Variants in CDH26 observed in about 807,000 individuals in gnomAD.
CDH26 encodes cadherin-like protein 26.
CDH26 carries 83 observed loss-of-function variants against 90.3 expected under a neutral mutation model. The ratio of observed to expected loss-of-function variants is 0.92; its 90% CI spans 0.77 to 1.10. The LOEUF (loss-of-function observed/expected upper bound fraction) is 1.10, where lower values mean the gene tolerates loss of function less well. Among genes scored for constraint, CDH26 ranks in the 50% least tolerant of loss-of-function variants. The pLI, the probability that CDH26 is intolerant of heterozygous loss-of-function variation, is 0.00. For synonymous variants in CDH26, 397 were observed against 396.3 expected (o/e 1.00, Z -0.02); for missense variants, 1,013 against 1,037.6 (o/e 0.98, Z 0.33).
chr20:59,995,682 T>A (rs537924059), intron 11 of CDH26, 151 bp from the exon 12 acceptor site: 1 of 645,336 alleles, frequency 1.5e-6, no homozygotes, highest in East Asian at 2.7e-5. Flanking sequence ...ATGTCAGAAG[T>A]GAGGGTACCC....
In CDH26 at chr20:60,002,886, T is replaced by A. The variant is rs1313038877; in HGVS notation, c.2220+20T>A. On this transcript the variant is annotated intron_variant, in intron 16 of 17. Transcript: ENST00000348616. ...ACTCCTGTAAGTATAGATGTAGGTG[T>A]TACCGTGAACAAATTTACCTTATTG... The A allele has an allele frequency of 6.6e-7, 1 of 1,513,930 alleles. No individual in the cohort carries two copies. The highest frequency in any genetic ancestry group is 1.8e-4 in the Middle Eastern group (1 of 5,714). 93.8% of individuals were successfully genotyped at this position (1,513,930 alleles called of 1,614,324 possible).
At position 60,032,880 on chromosome 20, in the gene CDH26, G is replaced by A. The variant is rs575145555; in HGVS notation, c.1144-606G>A. Among the ~76,000 whole-genome samples, 138 of 150,356 alleles carry A rather than the reference G, an allele frequency of 9.2e-4. 1 individual carries two copies. The highest frequency in any genetic ancestry group is 3.1e-3 in the African/African-American group (127 of 40,948). On this transcript the variant is annotated intron_variant, in intron 8 of 8. Transcript: ENST00000370991. ...GGGGGAGGGGGGAGGGATAGCATTG[G>A]GAGATGTACCTAATGCTAGATGACG...
At chr20:60,033,694 G>C in exon 9 of CDH26, 3 of 1,298,692 alleles carry the variant, frequency 2.3e-6, no homozygotes, top group Non-Finnish European at 3.0e-6. Flanking sequence ...GTACGGTGGA[G>C]GGGCATGGGC....
rs1424953275 is a variant in CDH26 at position 60,013,927 on chromosome 20, G to A, written c.*1197G>A. 3.9e-5 allele frequency: 6 copies of A among 152,078 alleles called. No homozygotes were observed. In the East Asian group the frequency reaches 5.8e-4, roughly 15 times the overall value. 9.4% of individuals were successfully genotyped at this position (152,078 alleles called of 1,614,324 possible). ...AAGCACTGGAATGTCTGAATGGGAC[G>A]CTTGAATGTGTAGAACAGCTGTACT... On this transcript the variant is annotated 3_prime_UTR_variant, in exon 18 of 18. Transcript: ENST00000348616.
At chr20:59,963,525 A>T (rs2061105101) in intron 1 of CDH26, among the ~76,000 whole-genome samples, 1 of 152,164 alleles carries the variant, frequency 6.6e-6, no homozygotes, top group African/African-American at 2.4e-5. Flanking sequence ...AATACTTTAT[A>T]CTATCTGCAT....
rs113967963 is a variant in CDH26, at chr20:60,031,498, T to C, written c.1143+72T>C. The C allele has an allele frequency of 6.7e-6, 7 of 1,043,150 alleles. No homozygotes were observed. In the African/African-American group the frequency reaches 1.0e-4, roughly 15 times the overall value. 64.6% of individuals were successfully genotyped at this position (1,043,150 alleles called of 1,614,324 possible). On this transcript the variant is annotated intron_variant, in intron 8 of 8. Transcript: ENST00000370991. Reference sequence around the variant, plus strand: ...AAAGATTCAGTTATGAATTCAGGCGTTCAAGTTAATCCTTGAGAATTAAAT... The same window carrying C: ...AAAGATTCAGTTATGAATTCAGGCGCTCAAGTTAATCCTTGAGAATTAAAT...
rs370113422 is a variant in CDH26 at position 59,987,507 on chromosome 20, G to C, written c.892G>C (p.Val298Leu). ...CAGCCAGGGCGTGTTGCGTCTCCTGGTTCAAGATCGAGATTCTCCATTTAC... is the reference window on the plus strand; with the variant it reads ...CAGCCAGGGCGTGTTGCGTCTCCTGCTTCAAGATCGAGATTCTCCATTTAC... The part of the protein sequence containing the change: ...RASQGVLRLL[V>L]QDRDSPFTSA... The change falls in exon 8 of 18, where the codon GTT becomes CTT. Residue 298 changes from valine (V) to leucine (L), a missense_variant. Val to Leu is a conservative substitution (Grantham distance 32). Coordinates refer to ENST00000348616, the MANE Select transcript of CDH26 (RefSeq NM_177980.4). 33 of 1,613,808 alleles carry C rather than the reference G, an allele frequency of 2.0e-5. No individual in the cohort carries two copies. In the African/African-American group the frequency reaches 3.5e-4, roughly 17 times the overall value.
intron 9 of CDH26, among the ~76,000 whole-genome samples, chr20:59,991,412 T>G (rs548357163): frequency 2.0e-5 from 3 of 152,200 alleles, no homozygotes; most frequent in Admixed American, 6.5e-5. Context: ...AGCTTTGGTT[T>G]CCTCTAGTTC....
rs1569045674 is a variant in CDH26 at position 59,994,321 on chromosome 20, C to T, written c.1498C>T (p.Leu500Phe). ...LSDINDNVPT[L>F]RPRSRYMEVC... ...TGACATCAATGACAACGTCCCGACTCTCCGGCCACGTTCCCGCTACATGGA... is the reference window on the plus strand; with the variant it reads ...TGACATCAATGACAACGTCCCGACTTTCCGGCCACGTTCCCGCTACATGGA... Residue 500 changes from leucine to phenylalanine, a missense_variant, in exon 11 of 18, where the codon CTC (leucine) becomes TTC (phenylalanine). Leu to Phe is a conservative substitution (Grantham distance 22). Transcript: ENST00000348616. 1.2e-6 allele frequency: 2 copies of T among 1,614,038 alleles called. No homozygotes were observed. The highest frequency in any genetic ancestry group is 1.1e-5 in the South Asian group (1 of 91,066).
At chr20:60,015,664 A>G (rs567397379), downstream of CDH26, among the ~76,000 whole-genome samples, 31 of 152,174 alleles carry the variant, frequency 2.0e-4, no homozygotes, top group African/African-American at 7.5e-4. Flanking sequence ...TTTGTTGTCT[A>G]TGCTTTCGAG....
chr20:60,018,021 C>A (rs1117911), downstream of CDH26, among the ~76,000 whole-genome samples: 1 of 151,868 alleles, frequency 6.6e-6, no homozygotes, highest in South Asian at 2.1e-4. Context: ...GTTTTGTATC[C>A]TAACATATGG....
At position 60,012,561 on chromosome 20, in the gene CDH26, C is replaced by T. The variant is rs371865970; in HGVS notation, c.2330C>T (p.Pro777Leu). The change falls in exon 18 of 18, where the codon CCC becomes CTC. Residue 777 changes from proline to leucine, a missense_variant. Transcript: ENST00000348616. ...GTTGCCAATGTGCTGGAAGATGACC[C>T]CGGCTACCTACCTCACGTCTACAGC... ...LHVANVLEDD[P>L]GYLPHVYSEE... The T allele has an allele frequency of 5.0e-6, 8 of 1,614,014 alleles. No individual in the cohort carries two copies. Among genetic ancestry groups the T allele is most frequent in the Non-Finnish European group, 6.8e-6 (8 of 1,179,952 alleles).
rs1342197726 is a variant in CDH26 at position 59,985,123 on chromosome 20, G to C, written c.831G>C (p.Gln277His). The C allele has an allele frequency of 1.5e-5, 24 of 1,613,134 alleles. No individual in the cohort carries two copies. Among genetic ancestry groups the C allele is most frequent in the Non-Finnish European group, 1.6e-5 (19 of 1,179,890 alleles). ...EGNNHRPAFT[Q>H]ENYKVQIPEG... is the part of the protein sequence containing the mutation. ...ACAACCACAGGCCTGCATTTACCCAGGAGAACGTGAGGCTCCTGGGCCGCC... is the reference window on the plus strand; with the variant it reads ...ACAACCACAGGCCTGCATTTACCCACGAGAACGTGAGGCTCCTGGGCCGCC... The change falls in exon 7 of 18, where the codon CAG (glutamine) becomes CAC (histidine). Residue 277 changes from glutamine (Q) to histidine (H), a missense_variant. Coordinates refer to ENST00000348616, the MANE Select transcript of CDH26 (RefSeq NM_177980.4).
chr20:60,003,954 C>T (rs1197050963), intron 16 of CDH26, among the ~76,000 whole-genome samples: 3 of 152,198 alleles, frequency 2.0e-5, no homozygotes, highest in Non-Finnish European at 2.9e-5. Flanking sequence ...GAAACTGACA[C>T]GGCGTCTTCC....
At chr20:60,023,621 G>C (rs1179334214) in intron 7 of CDH26, among the ~76,000 whole-genome samples, 2 of 152,052 alleles carry the variant, frequency 1.3e-5, no homozygotes, top group African/African-American at 2.4e-5. Context: ...TTCTACAAGA[G>C]AGAGCTGGAC....
chr20:59,973,100 C>G (rs2061284095), intron 4 of CDH26, among the ~76,000 whole-genome samples: 2 of 152,168 alleles, frequency 1.3e-5, no homozygotes, highest in African/African-American at 4.8e-5. Flanking sequence ...GAAGAGTAGT[C>G]ATAAGGAGAC....
Position 59,967,833 on chromosome 20 carries a change from CTT to C in CDH26, c.70-1132_70-1131del, listed in dbSNP as rs1283567035. ...CCCTCATTTCTTTCTTTCTTTCTTTCTTTCTTTCTTTCTTTCTTTCTTTCTTT... is the reference window on the plus strand; with the variant it reads ...CCCTCATTTCTTTCTTTCTTTCTTTCTCTTTCTTTCTTTCTTTCTTTCTTT... On this transcript the variant is annotated intron_variant, in intron 1 of 17. Transcript: ENST00000348616. Among the ~76,000 whole-genome samples, 5 of 68,794 alleles carry C rather than the reference CTT, an allele frequency of 7.3e-5. No individual in the cohort carries two copies. In the East Asian group the frequency reaches 1.7e-3, roughly 23 times the overall value. The allele number at this position is 68,794 out of a possible 152,430, so 45.1% of individuals were successfully genotyped here.
chr20:59,971,724 TC>T (rs1428174760), intron 3 of CDH26, among the ~76,000 whole-genome samples: 2 of 152,230 alleles, frequency 1.3e-5, no homozygotes, highest in Admixed American at 6.5e-5. Flanking sequence ...ATTATTTTTT[TC>T]ATGTTGATGA....
chr20:59,967,901 CTTCCTTCCTTTCCT>C (rs1468408390), intron 1 of CDH26, among the ~76,000 whole-genome samples: 37 of 117,876 alleles, frequency 3.1e-4, no homozygotes, highest in African/African-American at 1.3e-3. Flanking sequence ...TCCTTCCTTC[CTTCCTTCCTTTCCT>C]TTCCTTTCCT....
Sources: gnomAD v4.1 joint callset for allele counts (sites outside exome capture counted in the v4.1 genomes callset) on GRCh38, gnomAD v4.1.1 for gene constraint, MANE v1.5 for transcripts, NCBI Gene and HGNC (gene_info 2026-07-23, HGNC 2026-07-21) for gene names.